The following MAGI1 variants were observed in gnomAD, a reference collection of about 807,000 sequenced individuals.
MAGI1 encodes the protein membrane-associated guanylate kinase, WW and PDZ domain-containing protein 1.
In MAGI1, 58 loss-of-function variants were observed where a neutral mutation model predicts 139.9. The observed-to-expected ratio is 0.41, with a 90% CI of 0.34 to 0.52. The LOEUF (loss-of-function observed/expected upper bound fraction) is 0.52. MAGI1 is among the 20% of genes least tolerant of loss of function. MAGI1 has a pLI of 0.12. For missense variants in MAGI1, 1,874 were observed against 1,901.6 expected, an observed-to-expected ratio of 0.99 and a Z score of 0.27; for synonymous variants, 812 against 737.9, an observed-to-expected ratio of 1.10 and a Z score of -1.63.
intron 2 of MAGI1, among the ~76,000 whole-genome samples, chr3:65,596,507 G>A (rs574696736): frequency 7.9e-5 from 12 of 152,106 alleles, no homozygotes; most frequent in Non-Finnish European, 1.5e-4. Flanking sequence ...AGAGAAAAGG[G>A]CCCAACATAC....
chr3:65,950,059 C>CAAAAAAAAAAAAAAAAAAAAA (rs1264298678), intron 1 of MAGI1, among the ~76,000 whole-genome samples: 2 of 13,460 alleles, frequency 1.5e-4, no homozygotes, highest in African/African-American at 4.3e-4. Context: ...AAAAAAAAAA[C>CAAAAAAAAAAAAAAAAAAAAA]AAAAAAACAA....
At chr3:65,780,690 A>G (rs264109) in intron 1 of MAGI1, among the ~76,000 whole-genome samples, 149,115 of 152,318 alleles carry the variant, frequency 0.98, 73,086 homozygotes, top group Middle Eastern at 1. Context: ...TAAGCCCCCT[A>G]TACAGTTTAT....
chr3:65,691,576 A>G (rs1576753996), intron 1 of MAGI1, among the ~76,000 whole-genome samples: 1 of 152,166 alleles, frequency 6.6e-6, no homozygotes, highest in East Asian at 1.9e-4. Context: ...GCAGAACATT[A>G]TGTTCAGGAA....
intron 1 of MAGI1, among the ~76,000 whole-genome samples, chr3:65,714,568 C>A (rs1646352760): frequency 6.6e-6 from 1 of 151,990 alleles, no homozygotes. Flanking sequence ...TTATCTCTGA[C>A]CCAAGAGTCT....
intron 2 of MAGI1, among the ~76,000 whole-genome samples, chr3:65,590,213 C>T (rs956847367): frequency 2.0e-5 from 3 of 152,170 alleles, no homozygotes; most frequent in Non-Finnish European, 4.4e-5. Flanking sequence ...TCTCTTACAA[C>T]CCATGTGACG....
intron 1 of MAGI1, among the ~76,000 whole-genome samples, chr3:66,026,323 T>C (rs1032777340): frequency 5.3e-5 from 8 of 152,184 alleles, no homozygotes; most frequent in South Asian, 2.1e-4. Context: ...TTTTTCTCTA[T>C]AGTTCAAAAT....
chr3:65,460,032 T>C (rs1174306409), intron 5 of MAGI1, among the ~76,000 whole-genome samples: 1 of 152,238 alleles, frequency 6.6e-6, no homozygotes, highest in Admixed American at 6.5e-5. Context: ...AAGTATAACG[T>C]TGGTCATTGG....
chr3:65,663,278 T>A (rs908689808), intron 1 of MAGI1, among the ~76,000 whole-genome samples: 2 of 152,220 alleles, frequency 1.3e-5, no homozygotes, highest in African/African-American at 4.8e-5. Context: ...TATTTATGTA[T>A]ATTTAGCAGA....
chr3:65,842,515 C>A (rs2058843586), intron 1 of MAGI1, among the ~76,000 whole-genome samples: 1 of 152,152 alleles, frequency 6.6e-6, no homozygotes, highest in African/African-American at 2.4e-5. Flanking sequence ...GCATGTGCCA[C>A]CACGCTGGGC....
At chr3:65,521,824 C>T (rs1224203579) in intron 2 of MAGI1, among the ~76,000 whole-genome samples, 1 of 152,198 alleles carries the variant, frequency 6.6e-6, no homozygotes, top group Admixed American at 6.5e-5. Context: ...GCTACCATTT[C>T]TCTGCTGATG....
intron 1 of MAGI1, among the ~76,000 whole-genome samples, chr3:65,823,449 G>T (rs1488024919): frequency 6.6e-6 from 1 of 152,222 alleles, no homozygotes; most frequent in African/African-American, 2.4e-5. Flanking sequence ...TTTGTTAAAT[G>T]AAAGAGAGAA....
At chr3:65,453,391 A>G (rs1459077651) in intron 5 of MAGI1, 51 bp from the exon 6 acceptor site, 3 of 1,286,984 alleles carry the variant, frequency 2.3e-6, no homozygotes, top group South Asian at 1.3e-5. Context: ...AAAAAAAAAA[A>G]GCAAGAAGCC....
intron 1 of MAGI1, among the ~76,000 whole-genome samples, chr3:65,635,200 A>T (rs1210910443): frequency 2.0e-5 from 3 of 151,976 alleles, no homozygotes; most frequent in Non-Finnish European, 2.9e-5. Flanking sequence ...GAGTAGCTGG[A>T]ACTACAGGTG....
intron 1 of MAGI1, among the ~76,000 whole-genome samples, chr3:65,789,721 T>C (rs1181388254): frequency 6.6e-6 from 1 of 152,158 alleles, no homozygotes; most frequent in African/African-American, 2.4e-5. Context: ...CACGGCCCTA[T>C]GGCTGCAATT....
intron 16 of MAGI1, chr3:65,380,646 A>T (rs1160817546): frequency 6.6e-6 from 1 of 152,200 alleles, no homozygotes; most frequent in Non-Finnish European, 1.5e-5. Flanking sequence ...GTCTCTTCAT[A>T]GATTTGACAC....
intron 1 of MAGI1, among the ~76,000 whole-genome samples, chr3:65,815,951 G>A (rs533739790): frequency 1.8e-4 from 28 of 152,314 alleles, no homozygotes; most frequent in African/African-American, 5.8e-4. Context: ...GAATTCAAAG[G>A]AGGACAAAGG....
chr3:65,884,572 A>T (rs1474497647), intron 1 of MAGI1, among the ~76,000 whole-genome samples: 1 of 152,246 alleles, frequency 6.6e-6, no homozygotes, highest in Non-Finnish European at 1.5e-5. Flanking sequence ...TTTTGCTATC[A>T]AATGAACAAA....
intron 6 of MAGI1, among the ~76,000 whole-genome samples, chr3:65,448,560 G>C (rs1168295920): frequency 2.6e-5 from 4 of 152,132 alleles, no homozygotes; most frequent in Admixed American, 6.5e-5. Context: ...ACTGTATAAT[G>C]AGCTAACTTT....
intron 1 of MAGI1, among the ~76,000 whole-genome samples, chr3:65,827,034 A>C (rs539549382): frequency 1.8e-3 from 278 of 152,218 alleles, no homozygotes; most frequent in African/African-American, 6.3e-3. Context: ...TATTTCTCAA[A>C]GAAGTTCAGC....
Sources: gnomAD v4.1 joint callset for allele counts (sites outside exome capture counted in the v4.1 genomes callset) on GRCh38, gnomAD v4.1.1 for gene constraint, MANE v1.5 for transcripts, NCBI Gene and HGNC (gene_info 2026-07-23, HGNC 2026-07-21) for gene names.